AHCTF1: variants seen among roughly 807,000 people sequenced by gnomAD.
AHCTF1 encodes AT-hook containing transcription factor 1.
Under a neutral mutation model 248.4 loss-of-function variants are expected in AHCTF1, and 24 were observed. The observed-to-expected ratio is 0.10, with a 90% CI of 0.07 to 0.14. The LOEUF is 0.14. Among genes scored for constraint, AHCTF1 ranks in the 10% least tolerant of loss-of-function variants. AHCTF1 has a pLI of 1.00. For synonymous variants in AHCTF1, 786 were observed against 929.8 expected (o/e 0.85, Z 2.81); for missense variants, 2,206 against 2,636.2 (o/e 0.84, Z 3.57).
In AHCTF1 at chr1:246,849,715, G is replaced by A. The variant is rs1396634026; in HGVS notation, c.6291C>T (p.Ser2097=). ...AGATGGCCTTGCTAGACCGAGTCCT[G>A]CTGCTGCGGGATGATTTAGTGAAGG... ...TASFTKSSRS[S]RTRSSKAILL... Residue 2097 remains serine (S), a synonymous_variant, in exon 33 of 36, where the codon AGC becomes AGT. Coordinates refer to ENST00000648844, the MANE Select transcript of AHCTF1 (RefSeq NM_001323342.2). The A allele has an allele frequency of 7.4e-6, 12 of 1,613,972 alleles. No individual in the cohort carries two copies. The highest frequency in any genetic ancestry group is 1.0e-5 in the Non-Finnish European group (12 of 1,179,868).
chr1:246,867,823 A>G lies in AHCTF1; in HGVS notation c.3089-12T>C. The stretch of plus-strand genomic sequence containing the variant: ...TTTGGGTCTAGAAACTGTAAAATGA[A>G]GAACGCTGGAATTAAGTGCATCTCT... On this transcript the variant is annotated splice_polypyrimidine_tract_variant and intron_variant, in intron 24 of 35. Transcript: ENST00000648844. 7.5e-6 allele frequency: 12 copies of G among 1,602,258 alleles called. No individual in the cohort carries two copies. Among genetic ancestry groups the G allele is most frequent in the Non-Finnish European group, 9.4e-6 (11 of 1,174,360 alleles).
In AHCTF1 at chr1:246,900,418, T is replaced by C; in HGVS notation, c.1169A>G (p.Tyr390Cys). 6.3e-7 allele frequency: 1 copy of C among 1,599,544 alleles called. No individual in the cohort carries two copies. The highest frequency in any genetic ancestry group is 8.5e-7 in the Non-Finnish European group (1 of 1,176,972). ...VSVFTWQVNIYGQGKPSVYLG... is the reference protein window; with the variant it reads ...VSVFTWQVNICGQGKPSVYLG... ...ATATACAGAAGGCTTTCCCTGTCCA[T>C]ATATATTCACCTGCCAGGTAAAGAC... Residue 390 changes from tyrosine (Y) to cysteine (C), a missense_variant, in exon 9 of 36, where the codon TAT becomes TGT. Tyr to Cys is a radical substitution (Grantham distance 194). Around this residue, in one of 6 missense-constraint regions of AHCTF1, gnomAD observed 650 missense variants for 870.8 expected, o/e 0.75. Coordinates refer to ENST00000648844, the MANE Select transcript of AHCTF1 (RefSeq NM_001323342.2).
Position 246,905,645 on chromosome 1 carries a change from T to C in AHCTF1, c.777A>G (p.Gln259=), listed in dbSNP as rs368802357. The C allele has an allele frequency of 5.6e-6, 9 of 1,608,348 alleles. No homozygotes were observed. The African/African-American group carries it at 8.0e-5, about 14-fold the overall frequency. ...ATACAGGAACTTGTCCACTTTCCAA[T>C]TGTATGTAATATCTGAAACAAATTA... The part of the protein sequence containing the change: ...MKSMKREYYI[Q]LESGQVPVYA... Residue 259 remains glutamine (Q), a synonymous_variant, in exon 6 of 36, where the codon CAA becomes CAG. Transcript: ENST00000648844.
At chr1:246,904,136 C>G (rs936861754) in intron 6 of AHCTF1, 103 bp from the exon 7 acceptor site, 29 of 893,422 alleles carry the variant, frequency 3.2e-5, no homozygotes, top group Non-Finnish European at 4.8e-5. Context: ...GTGCATGTGA[C>G]AAAACTAAAA....
At chr1:246,893,089 A>G (rs1429244613) in intron 14 of AHCTF1, among the ~76,000 whole-genome samples, 2 of 152,228 alleles carry the variant, frequency 1.3e-5, no homozygotes, top group African/African-American at 2.4e-5. Context: ...CCCCAACACT[A>G]CATTATTCTC....
At chr1:246,899,982 AAATG>A in intron 10 of AHCTF1, 79 bp downstream of exon 10, 7 of 1,357,336 alleles carry the variant, frequency 5.2e-6, no homozygotes, top group Non-Finnish European at 7.1e-6. Flanking sequence ...AGATAACACT[AAATG>A]AATAAACTAC....
chr1:246,853,006 G>A (rs1198309124), intron 32 of AHCTF1, 85 bp downstream of exon 32: 11 of 927,726 alleles, frequency 1.2e-5, no homozygotes, highest in East Asian at 1.1e-4. Context: ...ATAAATGAAC[G>A]TGTTAGATTT....
At chr1:246,918,149 T>C (rs1666275853) in intron 2 of AHCTF1, 101 bp downstream of exon 2, 1 of 1,112,254 alleles carries the variant, frequency 9.0e-7, no homozygotes, top group African/African-American at 1.6e-5. Context: ...ACTCAGGTTC[T>C]GCTTTTTCTT....
rs1160369543 is a variant in AHCTF1, at chr1:246,891,829, T to C, written c.1895A>G (p.Asn632Ser). 6.2e-7 allele frequency: 1 copy of C among 1,611,170 alleles called. No individual in the cohort carries two copies. The highest frequency in any genetic ancestry group is 8.5e-7 in the Non-Finnish European group (1 of 1,179,182). Residue 632 changes from asparagine to serine, a missense_variant, in exon 15 of 36, where the codon AAT becomes AGT. Around this residue, in one of 6 missense-constraint regions of AHCTF1, gnomAD observed 650 missense variants for 870.8 expected, o/e 0.75. Transcript: ENST00000648844. ...TGATGCAAAACAGCTCAAGACTATA[T>C]TAAGATTGCTAAGAAGCAAATAGCA... ...QQCYLLLSNL[N>S]IVLSCFASEA...
rs1473521983 is a variant in AHCTF1 at position 246,839,629 on chromosome 1, T to A, written c.*1177A>T. The A allele has an allele frequency of 1.1e-6, 1 of 935,774 alleles. No individual in the cohort carries two copies. The highest frequency in any genetic ancestry group is 1.3e-6 in the Non-Finnish European group (1 of 784,382). 58.0% of individuals were successfully genotyped at this position (935,774 alleles called of 1,614,324 possible). ...TTATCTGTATTATTTGGTAGAAAAA[T>A]AAATGCAGAAAGCACACTGCATATG... On this transcript the variant is annotated 3_prime_UTR_variant, in exon 36 of 36. Transcript: ENST00000648844.
chr1:246,872,051 C>CAAAAAA (rs753977798), intron 24 of AHCTF1, among the ~76,000 whole-genome samples: 10 of 83,690 alleles, frequency 1.2e-4, no homozygotes, highest in African/African-American at 3.3e-4. Flanking sequence ...CTATTAATGA[C>CAAAAAA]AAAAAAAAAA....
chr1:246,877,298 T>A lies in AHCTF1; in HGVS notation c.2665A>T (p.Met889Leu), dbSNP rs368823025. The change falls in exon 22 of 36, where the codon ATG (methionine) becomes TTG (leucine). Residue 889 changes from methionine (M) to leucine (L), a missense_variant. By Grantham distance (15) the Met-to-Leu change is conservative. Around this residue, in one of 6 missense-constraint regions of AHCTF1, gnomAD observed 650 missense variants for 870.8 expected, o/e 0.75. Coordinates refer to ENST00000648844, the MANE Select transcript of AHCTF1 (RefSeq NM_001323342.2). ...CGCAAAAAATTCCAGGCTTCAACCA[T>A]ACACCTGAAAGCAGTATTTATCAAA... The part of the protein sequence containing the change: ...HLTVLLFNRC[M>L]VEAWNFLRQH... 5.6e-6 allele frequency: 9 copies of A among 1,596,072 alleles called. No homozygotes were observed. The highest frequency in any genetic ancestry group is 6.8e-6 in the Non-Finnish European group (8 of 1,174,086).
chr1:246,882,542 C>T (rs1022014340), intron 21 of AHCTF1, among the ~76,000 whole-genome samples: 6 of 151,866 alleles, frequency 4.0e-5, no homozygotes, highest in African/African-American at 1.2e-4. Context: ...GTGGGACATT[C>T]GATATATACT....
At chr1:246,872,852 T>C (rs1662695319) in intron 24 of AHCTF1, among the ~76,000 whole-genome samples, 1 of 152,166 alleles carries the variant, frequency 6.6e-6, no homozygotes, top group Non-Finnish European at 1.5e-5. Context: ...TACAAACTCT[T>C]AAAACATGTG....
At position 246,861,148 on chromosome 1, in the gene AHCTF1, A is replaced by AC; in HGVS notation, c.3882dup (p.Ser1295ValfsTer22). The AC allele has an allele frequency of 6.2e-7, 1 of 1,613,614 alleles. No individual in the cohort carries two copies. The highest frequency in any genetic ancestry group is 8.5e-7 in the Non-Finnish European group (1 of 1,180,002). On this transcript the variant is annotated frameshift_variant, in exon 29 of 36. Coordinates refer to ENST00000648844, the MANE Select transcript of AHCTF1 (RefSeq NM_001323342.2). LOFTEE classifies it high-confidence loss of function. Reference sequence around the variant, plus strand: ...ACATCCAGTTTCTCTAAACTTTGTGACCCCTCATCCATTTCTTGATGCTCC... The same window carrying AC: ...ACATCCAGTTTCTCTAAACTTTGTGACCCCCTCATCCATTTCTTGATGCTCC...
intron 9 of AHCTF1, 29 bp downstream of exon 9, chr1:246,900,308 A>C (rs1664905540): frequency 6.3e-7 from 1 of 1,583,066 alleles, no homozygotes; most frequent in Non-Finnish European, 8.5e-7. Flanking sequence ...ATACAAAGAG[A>C]AAGGAGAGAG....
chr1:246,901,043 A>C lies in AHCTF1; in HGVS notation c.1118-574T>G, dbSNP rs541735430. Among the ~76,000 whole-genome samples, 22 of 152,288 alleles carry C rather than the reference A, an allele frequency of 1.4e-4. 1 individual carries two copies. The South Asian group carries it at 4.4e-3, about 30-fold the overall frequency. On this transcript the variant is annotated intron_variant, in intron 8 of 35. Coordinates refer to ENST00000648844, the MANE Select transcript of AHCTF1 (RefSeq NM_001323342.2). Reference sequence around the variant, plus strand: ...CTATAAGGAAATAGGAAGAATGGGGAATAAGAGAGAGCATGGCCAGGTGCA... The same window carrying C: ...CTATAAGGAAATAGGAAGAATGGGGCATAAGAGAGAGCATGGCCAGGTGCA...
intron 4 of AHCTF1, among the ~76,000 whole-genome samples, chr1:246,908,616 G>C (rs1394400204): frequency 6.6e-6 from 1 of 151,820 alleles, no homozygotes; most frequent in African/African-American, 2.4e-5. Flanking sequence ...GGCCGGGCAC[G>C]GTGGCTCACG....
At chr1:246,915,245 G>T (rs111892942) in intron 3 of AHCTF1, among the ~76,000 whole-genome samples, 3 of 152,142 alleles carry the variant, frequency 2.0e-5, no homozygotes, top group Non-Finnish European at 4.4e-5. Context: ...CAGGAGAATC[G>T]GTTGAACCCG....
Sources: allele counts gnomAD v4.1 joint callset (sites outside exome capture counted in the v4.1 genomes callset), GRCh38; gene constraint gnomAD v4.1.1; regional missense constraint gnomAD v4.1.1; transcripts MANE v1.5; gene names NCBI Gene and HGNC (gene_info 2026-07-23, HGNC 2026-07-21).